PCDH15: variants seen among roughly 807,000 people sequenced by gnomAD.
PCDH15 encodes the protein protocadherin-15.
Under a neutral mutation model 178.5 loss-of-function variants are expected in PCDH15, and 129 were observed. That is an observed-to-expected ratio of 0.72 (90% confidence interval 0.63 to 0.84). The LOEUF (loss-of-function observed/expected upper bound fraction) is 0.84, where lower values mean the gene tolerates loss of function less well. Among genes scored for constraint, PCDH15 ranks in the 40% least tolerant of loss-of-function variants. The pLI is 0.00. For synonymous variants in PCDH15, 800 were observed against 732.0 expected (o/e 1.09, Z -1.50); for missense variants, 2,230 against 2,099.9 (o/e 1.06, Z -1.21).
chr10:55,474,383 CTA>C (rs1840023025), intron 2 of PCDH15, among the ~76,000 whole-genome samples: 2 of 152,098 alleles, frequency 1.3e-5, no homozygotes, highest in African/African-American at 4.8e-5. Context: ...TCATTAAACT[CTA>C]AAATTAGCTT....
intron 25 of PCDH15, among the ~76,000 whole-genome samples, chr10:53,917,447 T>C (rs893327929): frequency 6.6e-6 from 1 of 151,978 alleles, no homozygotes; most frequent in East Asian, 1.9e-4. Flanking sequence ...ATGAATAAAT[T>C]TACTAAAATA....
At chr10:55,449,562 C>T (rs1441982929) in intron 2 of PCDH15, among the ~76,000 whole-genome samples, 1 of 151,838 alleles carries the variant, frequency 6.6e-6, no homozygotes, top group Non-Finnish European at 1.5e-5. Context: ...TTTTAAAGAA[C>T]TAAAACTAAA....
At chr10:54,263,417 C>A (rs1361209499) in intron 8 of PCDH15, among the ~76,000 whole-genome samples, 1 of 152,180 alleles carries the variant, frequency 6.6e-6, no homozygotes, top group Non-Finnish European at 1.5e-5. Flanking sequence ...GTTGCGGATG[C>A]AGCAGTAGCT....
rs373453298 is a variant in PCDH15 at position 54,195,847 on chromosome 10, G to C, written c.1141C>G (p.Leu381Val). The C allele has an allele frequency of 4.4e-5, 71 of 1,613,876 alleles. No homozygotes were observed. The highest frequency in any genetic ancestry group is 6.0e-5 in the Non-Finnish European group (71 of 1,179,954). The change falls in exon 11 of 38, where the codon CTA becomes GTA. Residue 381 changes from leucine to valine, a missense_variant. Physicochemically the swap from Leu to Val is conservative, Grantham distance 32. Transcript: ENST00000644397. ...NGHPLPAFAG[L>V]HIEILDENNQ... Reference sequence around the variant, plus strand: ...TTTTCATCCAGTATTTCAATGTGTAGACCGGCAAAGGCAGGAAGAGGATGA... The same window carrying C: ...TTTTCATCCAGTATTTCAATGTGTACACCGGCAAAGGCAGGAAGAGGATGA...
chr10:54,624,164 C>T (rs4935114), intron 2 of PCDH15, among the ~76,000 whole-genome samples: 81,998 of 151,832 alleles, frequency 0.54, 22,173 homozygotes, highest in African/African-American at 0.56. Flanking sequence ...TACTTATACA[C>T]GTGTTTGGCT....
Position 53,807,093 on chromosome 10 carries a change from CGAT to C in PCDH15, c.4706_4708del (p.Asp1569_Arg1570delinsGly), listed in dbSNP as rs1448698630. On this transcript the variant is annotated inframe_deletion, in exon 38 of 38. Coordinates refer to ENST00000644397, the MANE Select transcript of PCDH15 (RefSeq NM_001384140.1). ...TCCAGTTGAGCTGGTTTCATACTCTCGATCAACAACTAACTTGATCATTCTTTT... is the reference window on the plus strand; with the variant it reads ...TCCAGTTGAGCTGGTTTCATACTCTCCAACAACTAACTTGATCATTCTTTT... 6.2e-7 allele frequency: 1 copy of C among 1,611,164 alleles called. No homozygotes were observed. Among genetic ancestry groups the C allele is most frequent in the African/African-American group, 1.3e-5 (1 of 74,752 alleles).
chr10:55,105,631 G>C (rs1842657220), intron 2 of PCDH15, among the ~76,000 whole-genome samples: 3 of 151,878 alleles, frequency 2.0e-5, no homozygotes, highest in Admixed American at 1.3e-4. Flanking sequence ...TATTCATCTG[G>C]CTGTTTTGGA....
chr10:54,518,320 C>G (rs2082443031), intron 3 of PCDH15, among the ~76,000 whole-genome samples: 3 of 151,598 alleles, frequency 2.0e-5, no homozygotes, highest in African/African-American at 7.3e-5. Flanking sequence ...GCTAGCAAGA[C>G]TAATAAAGAA....
intron 6 of PCDH15, among the ~76,000 whole-genome samples, chr10:54,336,242 G>A (rs2096173): frequency 0.38 from 57,243 of 152,050 alleles, 11,612 homozygotes; most frequent in African/African-American, 0.54. Context: ...TGATAATGCA[G>A]TAGAAAAGAA....
intron 14 of PCDH15, among the ~76,000 whole-genome samples, chr10:54,147,846 A>G (rs1206058475): frequency 6.6e-6 from 1 of 151,970 alleles, no homozygotes; most frequent in Non-Finnish European, 1.5e-5. Flanking sequence ...GATATGAAAC[A>G]GTGGAGGAAA....
chr10:54,438,954 T>C (rs12764979), intron 3 of PCDH15, among the ~76,000 whole-genome samples: 73,287 of 151,712 alleles, frequency 0.48, 18,508 homozygotes, highest in Middle Eastern at 0.53. Context: ...TTGAGGTCAA[T>C]GAAGGTTGTA....
At position 55,596,847 on chromosome 10, in the gene PCDH15, AAT is replaced by A. The variant is rs879345865; in HGVS notation, c.-156+30776_-156+30777del. ...TAAAAATAAATCTTTTAACTATGAT[AAT>A]ACAGGTTTTTGAGGATTTAGTTTGT... is the stretch of plus-strand genomic sequence containing the variant. On this transcript the variant is annotated intron_variant, in intron 2 of 5. Coordinates refer to the PCDH15 transcript ENST00000613346. Among the ~76,000 whole-genome samples, 966 of 152,272 alleles carry A rather than the reference AAT, an allele frequency of 6.3e-3. 5 individuals are homozygous for A. Among genetic ancestry groups the A allele is most frequent in the African/African-American group, 0.021 (885 of 41,574 alleles).
intron 2 of PCDH15, among the ~76,000 whole-genome samples, chr10:55,384,024 A>C (rs982539958): frequency 2.6e-5 from 4 of 152,224 alleles, no homozygotes; most frequent in Non-Finnish European, 5.9e-5. Context: ...ACTCTCAGTA[A>C]ATTGTATATT....
rs114093712 is a variant in PCDH15, at chr10:54,661,907, G to A, written c.91+2265C>T. Among the ~76,000 whole-genome samples, 1,035 of 151,880 alleles carry A rather than the reference G, an allele frequency of 6.8e-3. 7 individuals carry two copies. Among genetic ancestry groups the A allele is most frequent in the Middle Eastern group, 0.02 (6 of 294 alleles). The stretch of plus-strand genomic sequence containing the variant: ...TCTCACCATATGCAAAAATTAACTC[G>A]ATGAATTGAAAATTTAAATTTAAGA... On this transcript the variant is annotated intron_variant, in intron 2 of 37. Transcript: ENST00000644397.
intron 1 of PCDH15, among the ~76,000 whole-genome samples, chr10:55,283,825 T>A (rs560436837): frequency 6.6e-6 from 1 of 152,246 alleles, no homozygotes; most frequent in South Asian, 2.1e-4. Context: ...CTACTAAAAG[T>A]TGTTTGGAAA....
intron 2 of PCDH15, among the ~76,000 whole-genome samples, chr10:55,334,768 T>C (rs995488745): frequency 6.6e-6 from 1 of 152,186 alleles, no homozygotes; most frequent in Non-Finnish European, 1.5e-5. Context: ...TGTTATTTGG[T>C]AATAACTTTA....
At chr10:55,538,436 T>C (rs1411992040) in intron 2 of PCDH15, among the ~76,000 whole-genome samples, 10 of 133,274 alleles carry the variant, frequency 7.5e-5, no homozygotes, top group East Asian at 2.8e-4. Context: ...CTTCCTTCCT[T>C]CCTCCCTTCC....
chr10:55,112,389 G>C (rs189641931), intron 2 of PCDH15, among the ~76,000 whole-genome samples: 35 of 152,160 alleles, frequency 2.3e-4, no homozygotes, highest in Non-Finnish European at 4.3e-4. Context: ...CCCTCACTGA[G>C]ACAGGAGAAT....
At position 54,679,451 on chromosome 10, in the gene PCDH15, C is replaced by T. The variant is rs185189232; in HGVS notation, c.-28-15161G>A. ...AAATTAGCTTCCAAAAATCATTCTT[C>T]GTGAAAACACATAAGTAAACTAATT... On this transcript the variant is annotated intron_variant, in intron 1 of 37. Transcript: ENST00000644397. 3.0e-3 allele frequency among the ~76,000 whole-genome samples: 456 copies of T among 152,240 alleles called. 3 individuals carry two copies. Among genetic ancestry groups the T allele is most frequent in the African/African-American group, 0.011 (442 of 41,540 alleles).
Sources: gnomAD v4.1 joint callset for allele counts (sites outside exome capture counted in the v4.1 genomes callset) on GRCh38, gnomAD v4.1.1 for gene constraint, MANE v1.5 for transcripts, NCBI Gene and HGNC (gene_info 2026-07-23, HGNC 2026-07-21) for gene names.